Variants in HMGN3 observed in about 807,000 individuals in gnomAD.
HMGN3 encodes high mobility group nucleosome-binding domain-containing protein 3.
Under a neutral mutation model 18.8 loss-of-function variants are expected in HMGN3, and 6 were observed. The observed-to-expected ratio is 0.32, with a 90% CI of 0.18 to 0.63. The LOEUF is 0.63. Among genes scored for constraint, HMGN3 ranks in the 30% least tolerant of loss-of-function variants. The probability of loss-of-function intolerance (pLI) is 0.79; values close to 1 mark genes in which losing one functional copy is unlikely to be tolerated. For missense variants in HMGN3, 107 were observed against 114.2 expected (o/e 0.94, Z 0.29); for synonymous variants, 40 against 36.5 (o/e 1.10, Z -0.35).
chr6:79,202,236 G>T, intron 5 of HMGN3, 40 bp downstream of exon 5: 1 of 1,613,446 alleles, frequency 6.2e-7, no homozygotes, highest in Non-Finnish European at 8.5e-7. Context: ...TTTCTTTAAA[G>T]ACACTGATTC....
chr6:79,225,364 A>C (rs2127836101), intron 1 of HMGN3, among the ~76,000 whole-genome samples: 1 of 152,310 alleles, frequency 6.6e-6, no homozygotes, highest in East Asian at 1.9e-4. Context: ...ATAACATCTG[A>C]AATAAAACAT....
intron 1 of HMGN3, 171 bp downstream of exon 1, chr6:79,234,375 G>A (rs1778036064): frequency 1.9e-6 from 1 of 516,260 alleles, no homozygotes; most frequent in East Asian, 2.9e-5. Context: ...GTGGGTAGGG[G>A]GGACAGAGAG....
intron 2 of HMGN3, among the ~76,000 whole-genome samples, chr6:79,214,351 A>T (rs557294496): frequency 6.6e-6 from 1 of 151,608 alleles, no homozygotes; most frequent in Non-Finnish European, 1.5e-5. Context: ...ACAGGCGCCC[A>T]CCACCACGCC....
intron 2 of HMGN3, among the ~76,000 whole-genome samples, chr6:79,214,333 C>A (rs577330113): frequency 1.3e-5 from 2 of 151,892 alleles, no homozygotes; most frequent in East Asian, 1.9e-4. Flanking sequence ...TCCCGAGTAG[C>A]TGGGACTACA....
intron 1 of HMGN3, among the ~76,000 whole-genome samples, chr6:79,231,407 T>C (rs567053314): frequency 6.6e-6 from 1 of 152,202 alleles, no homozygotes; most frequent in East Asian, 1.9e-4. Flanking sequence ...CACCATCCAT[T>C]ATCTAAAAAA....
chr6:79,221,237 G>A (rs1326268665), intron 1 of HMGN3, among the ~76,000 whole-genome samples: 1 of 152,090 alleles, frequency 6.6e-6, no homozygotes, highest in African/African-American at 2.4e-5. Flanking sequence ...TTCTGTACAA[G>A]ACATGTAATA....
chr6:79,234,664 G>C lies in HMGN3; in HGVS notation c.-104C>G, dbSNP rs1048919960. On this transcript the variant is annotated 5_prime_UTR_variant, in exon 1 of 6. Transcript: ENST00000344726. ...CTGCAGCTGCTCACGCGCAGGGCAC[G>C]ACGTAGCCCGGCCTCTTCGACCTGC... is the stretch of plus-strand genomic sequence containing the variant. 6.0e-6 allele frequency: 7 copies of C among 1,157,174 alleles called. No homozygotes were observed. The African/African-American group carries it at 6.1e-5, about 10-fold the overall frequency. 71.7% of individuals were successfully genotyped at this position (1,157,174 alleles called of 1,614,324 possible). A position where few individuals can be genotyped will look rare whatever the true frequency, so the allele number is the denominator to read the frequency against.
intron 1 of HMGN3, chr6:79,234,273 G>A (rs72893792): frequency 0.055 from 19,982 of 364,566 alleles, 723 homozygotes; most frequent in Non-Finnish European, 0.072. Flanking sequence ...TTGTTGTTGG[G>A]GGTGGAAAAC....
intron 4 of HMGN3, among the ~76,000 whole-genome samples, chr6:79,203,039 T>C (rs1776224292): frequency 6.6e-6 from 1 of 152,164 alleles, no homozygotes; most frequent in African/African-American, 2.4e-5. Context: ...TGTACCTCAG[T>C]TTCCTCATCT....
chr6:79,229,050 T>TAA (rs1199602832), intron 1 of HMGN3, among the ~76,000 whole-genome samples: 1 of 152,194 alleles, frequency 6.6e-6, no homozygotes, highest in African/African-American at 2.4e-5. Flanking sequence ...AGCAATAAAA[T>TAA]GAATTTAAAC....
At chr6:79,229,140 A>T (rs910007985) in intron 1 of HMGN3, among the ~76,000 whole-genome samples, 1 of 152,260 alleles carries the variant, frequency 6.6e-6, no homozygotes, top group Non-Finnish European at 1.5e-5. Flanking sequence ...TAAAACCTCT[A>T]TGAGAAAACA....
chr6:79,203,721 A>G, intron 3 of HMGN3, 91 bp from the exon 4 acceptor site: 1 of 987,846 alleles, frequency 1.0e-6, no homozygotes, highest in Non-Finnish European at 1.6e-6. Context: ...AAAGACAACT[A>G]TCCATTTTGA....
Position 79,201,590 on chromosome 6 carries a change from G to C in HMGN3, c.*98C>G, listed in dbSNP as rs971047695. On this transcript the variant is annotated 3_prime_UTR_variant, in exon 6 of 6. Transcript: ENST00000344726. Reference sequence around the variant, plus strand: ...ATATTTTCGTATGCCAACTAGTAGAGTCCTAAAAAATTAGCATTTACAAAA... The same window carrying C: ...ATATTTTCGTATGCCAACTAGTAGACTCCTAAAAAATTAGCATTTACAAAA... The C allele has an allele frequency of 1.4e-5, 12 of 835,098 alleles. No homozygotes were observed. The Admixed American group carries it at 2.0e-4, about 14-fold the overall frequency. 51.7% of individuals were successfully genotyped at this position (835,098 alleles called of 1,614,324 possible).
intron 1 of HMGN3, among the ~76,000 whole-genome samples, chr6:79,229,968 T>A (rs1222152123): frequency 6.6e-6 from 1 of 152,192 alleles, no homozygotes; most frequent in African/African-American, 2.4e-5. Flanking sequence ...TATATGTCCA[T>A]GCAATCACTT....
At position 79,211,011 on chromosome 6, in the gene HMGN3, C is replaced by CAAAAAAAAAAAAAAAAAAAAAAAAAAA. The variant is rs59749044; in HGVS notation, c.67-2436_67-2435insTTTTTTTTTTTTTTTTTTTTTTTTTTT. ...AAATAAAAAGCCTCGGAAATTAATGCAAAAAAAAAAAAAAAAAAAAAATGC... is the reference window on the plus strand; with the variant it reads ...AAATAAAAAGCCTCGGAAATTAATGCAAAAAAAAAAAAAAAAAAAAAAAAAAAAAAAAAAAAAAAAAAAAAAAAATGC... On this transcript the variant is annotated intron_variant, in intron 2 of 5. Transcript: ENST00000344726. Among the ~76,000 whole-genome samples the CAAAAAAAAAAAAAAAAAAAAAAAAAAA allele has an allele frequency of 2.2e-5, 2 of 89,746 alleles. 1 individual carries two copies. Among genetic ancestry groups the CAAAAAAAAAAAAAAAAAAAAAAAAAAA allele is most frequent in the Non-Finnish European group, 4.2e-5 (2 of 47,250 alleles). 58.9% of individuals were successfully genotyped at this position (89,746 alleles called of 152,430 possible).
chr6:79,231,837 G>GTTTTAA (rs1237241627), intron 1 of HMGN3, among the ~76,000 whole-genome samples: 2 of 152,168 alleles, frequency 1.3e-5, no homozygotes, highest in Non-Finnish European at 2.9e-5. Flanking sequence ...CACATACACA[G>GTTTTAA]TTTTAATGTT....
intron 2 of HMGN3, among the ~76,000 whole-genome samples, chr6:79,209,907 G>T (rs1776601823): frequency 6.6e-6 from 1 of 152,184 alleles, no homozygotes. Flanking sequence ...GATCAGAGCT[G>T]GACTTAAGGC....
chr6:79,219,069 T>C (rs1436961354), intron 1 of HMGN3, among the ~76,000 whole-genome samples: 1 of 152,166 alleles, frequency 6.6e-6, no homozygotes, highest in African/African-American at 2.4e-5. Context: ...AAAGACATAA[T>C]GACTATTTTC....
intron 1 of HMGN3, among the ~76,000 whole-genome samples, chr6:79,232,607 T>TG (rs1301004604): frequency 1.3e-5 from 2 of 152,028 alleles, no homozygotes; most frequent in Non-Finnish European, 2.9e-5. Flanking sequence ...TTTAGTTTTT[T>TG]TTTTTTTTCC....
Sources: gnomAD v4.1 joint callset for allele counts (sites outside exome capture counted in the v4.1 genomes callset) on GRCh38, gnomAD v4.1.1 for gene constraint, MANE v1.5 for transcripts, NCBI Gene and HGNC (gene_info 2026-07-23, HGNC 2026-07-21) for gene names.